The following TMEM117 variants were observed in gnomAD, a reference collection of about 807,000 sequenced individuals.
TMEM117 encodes transmembrane protein 117.
In TMEM117, 27 loss-of-function variants were observed where a neutral mutation model predicts 52.4. The ratio of observed to expected loss-of-function variants is 0.51; its 90% CI spans 0.38 to 0.71. The LOEUF is 0.71. TMEM117 is among the 30% of genes least tolerant of loss of function. The probability of loss-of-function intolerance (pLI) is 0.00; values close to 1 mark genes in which losing one functional copy is unlikely to be tolerated. For missense variants in TMEM117, 556 were observed against 630.5 expected (o/e 0.88, Z 1.26); for synonymous variants, 215 against 206.3 (o/e 1.04, Z -0.36).
chr12:44,097,337 C>G (rs556942344), intron 3 of TMEM117, among the ~76,000 whole-genome samples: 1 of 152,028 alleles, frequency 6.6e-6, no homozygotes, highest in Non-Finnish European at 1.5e-5. Flanking sequence ...ACTAGAAATA[C>G]CATTTGACCC....
chr12:44,185,129 T>A (rs1383701507), intron 4 of TMEM117, among the ~76,000 whole-genome samples: 1 of 152,178 alleles, frequency 6.6e-6, no homozygotes, highest in Admixed American at 6.5e-5. Flanking sequence ...ATACAGGTAA[T>A]CATTGATTTA....
At chr12:43,924,848 G>A (rs559289489) in intron 2 of TMEM117, among the ~76,000 whole-genome samples, 22 of 152,296 alleles carry the variant, frequency 1.4e-4, no homozygotes, top group South Asian at 4.1e-4. Context: ...GTTTCTGTGC[G>A]TGAGGAGTTT....
chr12:44,179,494 A>G (rs551396538), intron 4 of TMEM117, among the ~76,000 whole-genome samples: 30 of 152,248 alleles, frequency 2.0e-4, no homozygotes, highest in Non-Finnish European at 3.8e-4. Flanking sequence ...GTCGAAGACC[A>G]GGAAGAGAGG....
intron 4 of TMEM117, among the ~76,000 whole-genome samples, chr12:44,158,863 C>T (rs1229163850): frequency 2.6e-5 from 4 of 152,162 alleles, no homozygotes; most frequent in Non-Finnish European, 4.4e-5. Flanking sequence ...TTGTCAGTGG[C>T]CATCAGTGTC....
chr12:44,228,177 T>G (rs1350274329), intron 5 of TMEM117, among the ~76,000 whole-genome samples: 1 of 152,056 alleles, frequency 6.6e-6, no homozygotes, highest in Non-Finnish European at 1.5e-5. Flanking sequence ...AATTACATTT[T>G]TAAAGATTGT....
At chr12:44,275,492 A>G (rs551447047) in intron 5 of TMEM117, among the ~76,000 whole-genome samples, 19 of 152,264 alleles carry the variant, frequency 1.2e-4, no homozygotes, top group African/African-American at 4.3e-4. Context: ...ATATATCTGC[A>G]GTCCCATATT....
chr12:44,090,849 G>GTTTTTT (rs541939145), intron 3 of TMEM117, among the ~76,000 whole-genome samples: 2 of 101,638 alleles, frequency 2.0e-5, no homozygotes, highest in East Asian at 2.5e-4. Context: ...GTTTTTTTTT[G>GTTTTTT]TTTTTTTTTT....
At chr12:43,806,376 C>T in the TMEM117 span, 41 of 1,222,538 alleles carry the variant, frequency 3.4e-5, no homozygotes, top group African/African-American at 6.1e-4. Context: ...CGCCCCGCCC[C>T]GTGAGGTTGA....
intron 5 of TMEM117, among the ~76,000 whole-genome samples, chr12:44,264,512 C>T (rs1356103834): frequency 6.6e-6 from 1 of 152,066 alleles, no homozygotes; most frequent in African/African-American, 2.4e-5. Flanking sequence ...TCACAGATCC[C>T]TCAGATAAGA....
chr12:43,901,401 C>G (rs899804657), intron 2 of TMEM117, among the ~76,000 whole-genome samples: 1 of 152,122 alleles, frequency 6.6e-6, no homozygotes, highest in African/African-American at 2.4e-5. Context: ...ACCTCCGCCT[C>G]CTGGGTTCAA....
chr12:44,028,786 C>T (rs1946584090), intron 3 of TMEM117, among the ~76,000 whole-genome samples: 1 of 152,254 alleles, frequency 6.6e-6, no homozygotes, highest in African/African-American at 2.4e-5. Flanking sequence ...TCTTCATAAA[C>T]TTGCCTTCAC....
chr12:43,894,011 G>A (rs1002592516), intron 2 of TMEM117, among the ~76,000 whole-genome samples: 7 of 152,294 alleles, frequency 4.6e-5, no homozygotes, highest in South Asian at 2.1e-4. Context: ...AAGCCATCAG[G>A]AGACCAAGAT....
intron 2 of TMEM117, among the ~76,000 whole-genome samples, chr12:43,888,551 T>TC (rs1163183001): frequency 6.9e-6 from 1 of 145,166 alleles, no homozygotes; most frequent in Non-Finnish European, 1.5e-5. Context: ...TTCTTTTTTT[T>TC]TTTTTTTTTT....
At chr12:44,071,820 A>G (rs1360215195) in intron 3 of TMEM117, among the ~76,000 whole-genome samples, 1 of 152,120 alleles carries the variant, frequency 6.6e-6, no homozygotes, top group Admixed American at 6.6e-5. Flanking sequence ...TTGGTTCTCA[A>G]ATTCCTGTGT....
chr12:44,145,781 C>T (rs554729984), intron 4 of TMEM117, among the ~76,000 whole-genome samples: 1 of 152,160 alleles, frequency 6.6e-6, no homozygotes, highest in Non-Finnish European at 1.5e-5. Context: ...TGGTACATTG[C>T]TTCCTGACTT....
At chr12:44,030,812 T>C (rs1946621942) in intron 3 of TMEM117, among the ~76,000 whole-genome samples, 1 of 152,192 alleles carries the variant, frequency 6.6e-6, no homozygotes, top group Admixed American at 6.5e-5. Context: ...TTAAGCAAGT[T>C]ATAGAAGGTT....
chr12:43,871,204 G>A (rs1321033974), intron 2 of TMEM117, among the ~76,000 whole-genome samples: 3 of 152,066 alleles, frequency 2.0e-5, no homozygotes, highest in African/African-American at 7.3e-5. Flanking sequence ...CTGGGTTCAA[G>A]TGATTCTCCT....
intron 6 of TMEM117, among the ~76,000 whole-genome samples, chr12:44,327,234 T>C (rs1321108083): frequency 2.0e-5 from 3 of 152,206 alleles, no homozygotes; most frequent in Admixed American, 2.0e-4. Context: ...TACAACTCTG[T>C]AATTCATATT....
chr12:43,893,970 C>T (rs1330872276), intron 2 of TMEM117, among the ~76,000 whole-genome samples: 1 of 152,192 alleles, frequency 6.6e-6, no homozygotes, highest in East Asian at 1.9e-4. Context: ...TCCTTCTGAG[C>T]TTTGGCTTTT....
Sources: allele counts gnomAD v4.1 joint callset (sites outside exome capture counted in the v4.1 genomes callset), GRCh38; gene constraint gnomAD v4.1.1; transcripts MANE v1.5; gene names NCBI Gene and HGNC (gene_info 2026-07-23, HGNC 2026-07-21).